VEZT: variants seen among roughly 807,000 people sequenced by gnomAD.
The protein encoded by VEZT is vezatin.
A neutral mutation model predicts 79.9 loss-of-function variants in VEZT; 39 were observed. The ratio of observed to expected loss-of-function variants is 0.49; its 90% confidence interval spans 0.38 to 0.64. The LOEUF is 0.64. Ranked by LOEUF, VEZT falls within the 30% of genes least tolerant of loss-of-function variation. VEZT has a pLI of 0.00. For synonymous variants in VEZT, 325 were observed against 327.6 expected (o/e 0.99, Z 0.09); for missense variants, 837 against 893.1 (o/e 0.94, Z 0.80).
chr12:95,280,521 G>A (rs1566245369), intron 7 of VEZT, among the ~76,000 whole-genome samples: 1 of 115,554 alleles, frequency 8.7e-6, no homozygotes, highest in South Asian at 2.9e-4. Context: ...CCTTTCATAT[G>A]TGTACACACA....
Position 95,252,055 on chromosome 12 carries a change from C to T in VEZT, c.152C>T (p.Thr51Ile), listed in dbSNP as rs778578749. ...ACAGAGGGACAACAAAAGCCTCCTACAAGAGTCCTACCAAAAGTAAGAACG... is the reference window on the plus strand; with the variant it reads ...ACAGAGGGACAACAAAAGCCTCCTATAAGAGTCCTACCAAAAGTAAGAACG... ...CTTEGQQKPPTRVLPKQGILL... is the reference protein window; with the variant it reads ...CTTEGQQKPPIRVLPKQGILL... The change falls in exon 2 of 12, where the codon ACA becomes ATA. Residue 51 changes from threonine to isoleucine, a missense_variant. By Grantham distance (89) the Thr-to-Ile change is moderately conservative. Coordinates refer to ENST00000436874, the MANE Select transcript of VEZT (RefSeq NM_017599.4). The T allele has an allele frequency of 1.2e-6, 2 of 1,606,954 alleles. No homozygotes were observed. The highest frequency in any genetic ancestry group is 1.7e-6 in the Non-Finnish European group (2 of 1,177,778).
chr12:95,274,521 A>T (rs1566212205), intron 6 of VEZT, among the ~76,000 whole-genome samples: 1 of 152,126 alleles, frequency 6.6e-6, no homozygotes, highest in East Asian at 1.9e-4. Flanking sequence ...TGAACTGTTA[A>T]TTTTTTAGAC....
At chr12:95,235,051 C>CT (rs2059837527) in intron 1 of VEZT, among the ~76,000 whole-genome samples, 1 of 151,764 alleles carries the variant, frequency 6.6e-6, no homozygotes, top group Non-Finnish European at 1.5e-5. Context: ...TCTCCCATGT[C>CT]TACCTCTTTC....
chr12:95,252,067 C>G lies in VEZT; in HGVS notation c.164C>G (p.Pro55Arg). The change falls in exon 2 of 12, where the codon CCA becomes CGA. Residue 55 changes from proline (P) to arginine (R), a missense_variant. Pro to Arg is a moderately radical substitution (Grantham distance 103, BLOSUM62 -2). Coordinates refer to ENST00000436874, the MANE Select transcript of VEZT (RefSeq NM_017599.4). The stretch of plus-strand genomic sequence containing the variant: ...CAAAAGCCTCCTACAAGAGTCCTAC[C>G]AAAAGTAAGAACGCATGCTCATTCT... ...GQQKPPTRVLPKQGILLKVAE... is the reference protein window; with the variant it reads ...GQQKPPTRVLRKQGILLKVAE... 1 of 1,603,480 alleles carries G rather than the reference C, an allele frequency of 6.2e-7. No individual in the cohort carries two copies. Among genetic ancestry groups the G allele is most frequent in the Non-Finnish European group, 8.5e-7 (1 of 1,176,710 alleles).
chr12:95,289,619 T>C (rs1390316754), intron 9 of VEZT, among the ~76,000 whole-genome samples: 1 of 152,134 alleles, frequency 6.6e-6, no homozygotes, highest in Non-Finnish European at 1.5e-5. Context: ...TGCTTATAGA[T>C]AATAATGATA....
chr12:95,254,395 G>GGA (rs1187785564), intron 2 of VEZT, among the ~76,000 whole-genome samples: 1 of 127,880 alleles, frequency 7.8e-6, no homozygotes, highest in Non-Finnish European at 1.6e-5. Context: ...CGCCCAGGTT[G>GGA]GAGGGCAGTG....
rs1359186648 is a variant in VEZT, at chr12:95,270,106, A to G, written c.766A>G (p.Ile256Val). 1.2e-6 allele frequency: 2 copies of G among 1,611,932 alleles called. No homozygotes were observed. The highest frequency in any genetic ancestry group is 1.3e-5 in the African/African-American group (1 of 75,030). The change falls in exon 6 of 12, where the codon ATC becomes GTC. Residue 256 changes from isoleucine (I) to valine (V), a missense_variant. By Grantham distance (29) the Ile-to-Val change is conservative. Coordinates refer to ENST00000436874, the MANE Select transcript of VEZT (RefSeq NM_017599.4). ...TGGACAGCATCCAAGTCAGCATCTCATCGGTCTTCGGAAAGCTGTCTACCG... is the reference window on the plus strand; with the variant it reads ...TGGACAGCATCCAAGTCAGCATCTCGTCGGTCTTCGGAAAGCTGTCTACCG... ...KAGQHPSQHL[I>V]GLRKAVYRTL...
chr12:95,253,963 G>A (rs2063035382), intron 2 of VEZT, among the ~76,000 whole-genome samples: 1 of 151,940 alleles, frequency 6.6e-6, no homozygotes, highest in Admixed American at 6.6e-5. Context: ...TAGAAAGTTT[G>A]TTTTGTCTTC....
chr12:95,244,060 A>G, intron 1 of VEZT: 2 of 430,650 alleles, frequency 4.6e-6, no homozygotes, highest in Non-Finnish European at 9.1e-6. Flanking sequence ...CTGTTATAGC[A>G]ACACAAAACA....
At position 95,300,464 on chromosome 12, in the gene VEZT, C is replaced by T. The variant is rs373340086; in HGVS notation, c.2131C>T (p.Pro711Ser). Reference protein sequence around the residue: ...QADGSGLTTAPPTPRDSLQPS... With the variant: ...QADGSGLTTASPTPRDSLQPS... ...AGATGGAAGTGGTCTGACCACTGCC[C>T]CTCCAACTCCCAGGGACTCATTACA... Residue 711 changes from proline (P) to serine (S), a missense_variant, in exon 12 of 12, where the codon CCT becomes TCT. By Grantham distance (74) the Pro-to-Ser change is moderately conservative. Transcript: ENST00000436874. 3 of 1,613,886 alleles carry T rather than the reference C, an allele frequency of 1.9e-6. No individual in the cohort carries two copies. Among genetic ancestry groups the T allele is most frequent in the South Asian group, 1.1e-5 (1 of 91,070 alleles).
At chr12:95,238,310 G>C (rs186639121) in intron 1 of VEZT, among the ~76,000 whole-genome samples, 1 of 152,228 alleles carries the variant, frequency 6.6e-6, no homozygotes, top group East Asian at 1.9e-4. Flanking sequence ...AGAGTTGTTA[G>C]AATTAAATGA....
chr12:95,286,330 C>G, intron 8 of VEZT: 1 of 432,824 alleles, frequency 2.3e-6, no homozygotes, highest in Non-Finnish European at 4.6e-6. Context: ...ACAAGAATAC[C>G]AAGTTAGTCT....
At chr12:95,264,762 C>A (rs2065168602) in intron 4 of VEZT, among the ~76,000 whole-genome samples, 2 of 151,624 alleles carry the variant, frequency 1.3e-5, no homozygotes, top group South Asian at 4.2e-4. Context: ...TAAGAAATTG[C>A]ATGTGATTTT....
chr12:95,285,982 CTTTTTTTTTTTT>C lies in VEZT; in HGVS notation c.1329-1667_1329-1656del, dbSNP rs869030351. The stretch of plus-strand genomic sequence containing the variant: ...ACCAAGACGCTCCCCCCGACCCCTT[CTTTTTTTTTTTT>C]TTTTTTTTTTTTTTGAGATAGAGTC... On this transcript the variant is annotated intron_variant, in intron 8 of 11. Transcript: ENST00000436874. Among the ~76,000 whole-genome samples the C allele has an allele frequency of 3.5e-5, 3 of 85,832 alleles. 1 individual carries two copies. The highest frequency in any genetic ancestry group is 4.5e-5 in the Non-Finnish European group (2 of 44,562). The allele number at this position is 85,832 out of a possible 152,430, so 56.3% of individuals were successfully genotyped here.
At chr12:95,290,132 T>A (rs1281444153) in intron 9 of VEZT, among the ~76,000 whole-genome samples, 1 of 152,244 alleles carries the variant, frequency 6.6e-6, no homozygotes, top group Non-Finnish European at 1.5e-5. Context: ...TTTATATGTC[T>A]AGACCTAGAT....
At chr12:95,298,935 C>G (rs541640795) in intron 11 of VEZT, 1 of 154,030 alleles carries the variant, frequency 6.5e-6, no homozygotes, top group African/African-American at 2.4e-5. Flanking sequence ...AAATGTGTCT[C>G]TTTTTCAGGT....
chr12:95,254,659 T>C (rs2063185043), intron 2 of VEZT, among the ~76,000 whole-genome samples: 1 of 152,112 alleles, frequency 6.6e-6, no homozygotes, highest in Non-Finnish European at 1.5e-5. Flanking sequence ...TTTTCCTAAT[T>C]TGGGGAGAGC....
intron 1 of VEZT, chr12:95,224,096 C>T (rs1465136314): frequency 2.3e-6 from 1 of 442,166 alleles, no homozygotes; most frequent in East Asian, 7.1e-5. Context: ...TTATTTTTCT[C>T]CCTGTGTCCC....
At chr12:95,224,268 T>C in intron 1 of VEZT, 2 of 455,612 alleles carry the variant, frequency 4.4e-6, no homozygotes, top group South Asian at 3.1e-5. Flanking sequence ...ATTCTTTCCC[T>C]CTACGGCTAC....
Sources: allele counts gnomAD v4.1 joint callset (sites outside exome capture counted in the v4.1 genomes callset), GRCh38; gene constraint gnomAD v4.1.1; transcripts MANE v1.5; gene names NCBI Gene and HGNC (gene_info 2026-07-23, HGNC 2026-07-21).